C1QTNF7: variants seen among roughly 807,000 people sequenced by gnomAD.
The protein encoded by C1QTNF7 is C1q and TNF related 7.
A neutral mutation model predicts 19.6 loss-of-function variants in C1QTNF7; 15 were observed. That is an observed-to-expected ratio of 0.76 (90% CI 0.51 to 1.18). The LOEUF (loss-of-function observed/expected upper bound fraction) is 1.18, where lower values mean the gene tolerates loss of function less well. Ranked by LOEUF, C1QTNF7 falls within the 50% of genes most tolerant of loss-of-function variation. The probability of loss-of-function intolerance (pLI) is 0.00; values close to 1 mark genes in which losing one functional copy is unlikely to be tolerated. For synonymous variants in C1QTNF7, 142 were observed against 137.5 expected, an observed-to-expected ratio of 1.03 and a Z score of -0.23; for missense variants, 324 against 359.7, an observed-to-expected ratio of 0.90 and a Z score of 0.80.
chr4:15,442,287 C>G lies in C1QTNF7; in HGVS notation c.358C>G (p.Pro120Ala). The G allele has an allele frequency of 6.2e-7, 1 of 1,614,040 alleles. No homozygotes were observed. Among genetic ancestry groups the G allele is most frequent in the South Asian group, 1.1e-5 (1 of 91,074 alleles). ...GAAAGGAGAAGTAGGTCCAATTGGTCCTCCTGGACCAAAGGGAGACAGAGG... is the reference window on the plus strand; with the variant it reads ...GAAAGGAGAAGTAGGTCCAATTGGTGCTCCTGGACCAAAGGGAGACAGAGG... ...GEKGEVGPIG[P>A]PGPKGDRGEQ... The change falls in exon 3 of 3, where the codon CCT becomes GCT. Residue 120 changes from proline (P) to alanine (A), a missense_variant. By Grantham distance (27) the Pro-to-Ala change is conservative. Coordinates refer to ENST00000444304, the MANE Select transcript of C1QTNF7 (RefSeq NM_031911.5).
At chr4:15,368,104 T>C (rs944005820) in intron 1 of C1QTNF7, among the ~76,000 whole-genome samples, 4 of 152,176 alleles carry the variant, frequency 2.6e-5, no homozygotes, top group Non-Finnish European at 4.4e-5. Context: ...ACTGATCTGC[T>C]TTTTTGTCAC....
intron 1 of C1QTNF7, among the ~76,000 whole-genome samples, chr4:15,341,971 A>G (rs1716559039): frequency 6.6e-6 from 1 of 152,222 alleles, no homozygotes. Context: ...CAGGCCCGCC[A>G]GGCCCCACCC....
intron 1 of C1QTNF7, among the ~76,000 whole-genome samples, chr4:15,391,137 T>C (rs1428581327): frequency 2.0e-5 from 3 of 151,896 alleles, no homozygotes; most frequent in Non-Finnish European, 4.4e-5. Context: ...GTCTGAACTC[T>C]GTCTCCACAT....
chr4:15,382,192 G>T (rs548654699), intron 1 of C1QTNF7, among the ~76,000 whole-genome samples: 1 of 152,144 alleles, frequency 6.6e-6, no homozygotes, highest in East Asian at 1.9e-4. Context: ...ATCTTAACCC[G>T]TGAAGCCAGG....
Position 15,380,847 on chromosome 4 carries a change from A to G in C1QTNF7, c.13+40640A>G, listed in dbSNP as rs1718114081. Among the ~76,000 whole-genome samples, 3 of 152,138 alleles carry G rather than the reference A, an allele frequency of 2.0e-5. No homozygotes were observed. In the South Asian group the frequency reaches 6.3e-4, roughly 32 times the overall value. On this transcript the variant is annotated intron_variant, in intron 1 of 2. Transcript: ENST00000295297. ...CTACTGGGGAGGCTGAGGCAGGAGA[A>G]TCGCTTGAACCTGGTGGGTGGAGGT... is the stretch of plus-strand genomic sequence containing the variant.
chr4:15,341,695 T>C (rs1181973047), intron 1 of C1QTNF7, among the ~76,000 whole-genome samples: 1 of 152,210 alleles, frequency 6.6e-6, no homozygotes, highest in East Asian at 1.9e-4. Context: ...ACAATATTAC[T>C]GTCTCCTTCC....
intron 1 of C1QTNF7, among the ~76,000 whole-genome samples, chr4:15,375,948 C>A (rs1717922810): frequency 6.6e-6 from 1 of 152,190 alleles, no homozygotes; most frequent in Non-Finnish European, 1.5e-5. Context: ...TGTCAGCACA[C>A]ACATAAGCTG....
intron 1 of C1QTNF7, among the ~76,000 whole-genome samples, chr4:15,364,282 G>A (rs1248031205): frequency 2.6e-5 from 4 of 152,158 alleles, no homozygotes; most frequent in Non-Finnish European, 5.9e-5. Flanking sequence ...ATTGTACTTG[G>A]CACTTAGGAG....
chr4:15,356,062 T>TTTTG (rs142519956), intron 1 of C1QTNF7, among the ~76,000 whole-genome samples: 113 of 151,930 alleles, frequency 7.4e-4, no homozygotes, highest in African/African-American at 2.2e-3. Flanking sequence ...GGTAATGGTT[T>TTTTG]TTTGTTTGTT....
At chr4:15,356,086 A>G (rs557873031) in intron 1 of C1QTNF7, among the ~76,000 whole-genome samples, 121 of 150,502 alleles carry the variant, frequency 8.0e-4, no homozygotes, top group African/African-American at 2.5e-3. Flanking sequence ...TTGTTTGTTT[A>G]TTTGTTTTTC....
chr4:15,355,204 C>T (rs1232156676), intron 1 of C1QTNF7, among the ~76,000 whole-genome samples: 1 of 152,032 alleles, frequency 6.6e-6, no homozygotes, highest in Non-Finnish European at 1.5e-5. Flanking sequence ...TGAGCAGGAC[C>T]GTAAATCAAT....
chr4:15,355,992 T>A (rs1175941075), intron 1 of C1QTNF7, among the ~76,000 whole-genome samples: 2 of 152,132 alleles, frequency 1.3e-5, no homozygotes, highest in Non-Finnish European at 2.9e-5. Flanking sequence ...CTAGCCACCA[T>A]GCCTGGCTAA....
At chr4:15,400,929 T>C (rs181357007) in intron 1 of C1QTNF7, among the ~76,000 whole-genome samples, 104 of 152,196 alleles carry the variant, frequency 6.8e-4, no homozygotes, top group Middle Eastern at 3.4e-3. Context: ...GATTTCACCA[T>C]GGAGGGGAAA....
chr4:15,373,863 A>C (rs573019865), intron 1 of C1QTNF7: 1 of 152,372 alleles, frequency 6.6e-6, no homozygotes, highest in East Asian at 1.9e-4. Context: ...ATGGAAAATG[A>C]GAATGGAAAG....
intron 1 of C1QTNF7, among the ~76,000 whole-genome samples, chr4:15,418,799 T>C (rs1711591624): frequency 6.6e-6 from 1 of 152,232 alleles, no homozygotes; most frequent in South Asian, 2.1e-4. Flanking sequence ...ATAATAACAG[T>C]AACCTTCTCC....
At chr4:15,432,386 C>T (rs919552122) in intron 1 of C1QTNF7, among the ~76,000 whole-genome samples, 1 of 152,166 alleles carries the variant, frequency 6.6e-6, no homozygotes, top group Admixed American at 6.5e-5. Flanking sequence ...CACCACAACA[C>T]ATTGTTCCTC....
intron 2 of C1QTNF7, among the ~76,000 whole-genome samples, chr4:15,438,275 G>C (rs1021787578): frequency 6.6e-6 from 1 of 152,164 alleles, no homozygotes; most frequent in African/African-American, 2.4e-5. Context: ...AGAAAGAAAA[G>C]GTAGGAATGA....
chr4:15,428,410 A>G (rs961734), intron 1 of C1QTNF7, among the ~76,000 whole-genome samples: 16,912 of 152,122 alleles, frequency 0.11, 1,120 homozygotes, highest in East Asian at 0.31. Context: ...TTTTTTAATC[A>G]CTGTGCCATA....
At chr4:15,355,588 C>T (rs1351779072) in intron 1 of C1QTNF7, among the ~76,000 whole-genome samples, 1 of 144,838 alleles carries the variant, frequency 6.9e-6, no homozygotes, top group African/African-American at 2.5e-5. Flanking sequence ...CTTTTCTCAT[C>T]AAAAAAAAAA....
Sources: gnomAD v4.1 joint callset for allele counts (sites outside exome capture counted in the v4.1 genomes callset) on GRCh38, gnomAD v4.1.1 for gene constraint, MANE v1.5 for transcripts, NCBI Gene and HGNC (gene_info 2026-07-23, HGNC 2026-07-21) for gene names.